ELFN1: variants seen among roughly 807,000 people sequenced by gnomAD.
ELFN1 encodes protein ELFN1.
A neutral mutation model predicts 7.6 loss-of-function variants in ELFN1; 6 were observed. The ratio of observed to expected loss-of-function variants is 0.79; its 90% CI spans 0.43 to 1.56. ELFN1 has a LOEUF of 1.56. Ranked by LOEUF, ELFN1 falls within the 40% of genes most tolerant of loss-of-function variation. ELFN1 has a pLI of 0.01. For missense variants in ELFN1, 1,169 were observed against 1,232.2 expected, an observed-to-expected ratio of 0.95 and a Z score of 0.77; for synonymous variants, 657 against 588.1, an observed-to-expected ratio of 1.12 and a Z score of -1.70.
rs947926820 is a variant in ELFN1, at chr7:1,670,309, G to A, written c.-594G>A. Among the ~76,000 whole-genome samples, 1 of 151,862 alleles carries A rather than the reference G, an allele frequency of 6.6e-6. No homozygotes were observed. Among genetic ancestry groups the A allele is most frequent in the Non-Finnish European group, 1.5e-5 (1 of 67,888 alleles). On this transcript the variant is annotated 5_prime_UTR_variant, in exon 1 of 4. Transcript: ENST00000424383. This position sits in a 1 kb window ranked among gnomAD's most constrained non-coding sequence, Gnocchi z 6.4. Reference sequence around the variant, plus strand: ...GGAGCGAAGTTAGAGCTTGAAGGACGGCGGCGGCTGCGGGCGCAGCCCCGG... The same window carrying A: ...GGAGCGAAGTTAGAGCTTGAAGGACAGCGGCGGCTGCGGGCGCAGCCCCGG...
chr7:1,667,929 T>A (rs937128164), upstream of ELFN1, among the ~76,000 whole-genome samples: 6 of 123,250 alleles, frequency 4.9e-5, no homozygotes, highest in East Asian at 5.1e-4. The surrounding 1 kb of genome is among the most constrained non-coding windows in gnomAD (Gnocchi z 8.2). Flanking sequence ...CTCCGGGGAC[T>A]CGGTCGCAGC....
chr7:1,733,444 T>TA (rs759776099), intron 3 of ELFN1, among the ~76,000 whole-genome samples: 27 of 152,038 alleles, frequency 1.8e-4, no homozygotes, highest in Non-Finnish European at 2.8e-4. Flanking sequence ...CCCTGGGCGG[T>TA]AGGACAGTAA....
chr7:1,677,960 G>C (rs1778903958), intron 1 of ELFN1, among the ~76,000 whole-genome samples: 1 of 151,986 alleles, frequency 6.6e-6, no homozygotes. Flanking sequence ...CAGACATCCG[G>C]GCTTATTTTT....
rs1012805674 is a variant in ELFN1 at position 1,692,914 on chromosome 7, A to G, written c.-456+4764A>G. On this transcript the variant is annotated intron_variant, in intron 2 of 3. Transcript: ENST00000424383. ...GGGGGCCACATCAGCTTCCGCCTCTATGTACCCTGCAGGGAACGGCAGGGA... is the reference window on the plus strand; with the variant it reads ...GGGGGCCACATCAGCTTCCGCCTCTGTGTACCCTGCAGGGAACGGCAGGGA... The G allele has an allele frequency of 3.6e-5, 7 of 197,156 alleles. No individual in the cohort carries two copies. In the East Asian group the frequency reaches 6.4e-4, roughly 18 times the overall value. 12.2% of individuals were successfully genotyped at this position (197,156 alleles called of 1,614,324 possible). A position where few individuals can be genotyped will look rare whatever the true frequency, so the allele number is the denominator to read the frequency against.
At chr7:1,719,374 A>C (rs1429000485) in intron 3 of ELFN1, among the ~76,000 whole-genome samples, 4 of 123,986 alleles carry the variant, frequency 3.2e-5, no homozygotes, top group African/African-American at 6.6e-5. Flanking sequence ...AACAGGACCC[A>C]AGCCACCAAC....
chr7:1,734,943 C>T (rs1780404972), intron 3 of ELFN1, among the ~76,000 whole-genome samples: 1 of 152,160 alleles, frequency 6.6e-6, no homozygotes, highest in Non-Finnish European at 1.5e-5. Flanking sequence ...CGTCCTCCTG[C>T]CTCCGCCTCC....
intron 2 of ELFN1, chr7:1,693,576 G>A (rs941057213): frequency 2.1e-6 from 1 of 471,236 alleles, no homozygotes; most frequent in Non-Finnish European, 4.4e-6. Flanking sequence ...CTGGGTGTGT[G>A]CACATCTGCA....
rs143837634 is a variant in ELFN1, at chr7:1,741,805, C to G, written c.-293-2499C>G. Among the ~76,000 whole-genome samples, 1,217 of 152,292 alleles carry G rather than the reference C, an allele frequency of 8.0e-3. 24 individuals carry two copies. Among genetic ancestry groups the G allele is most frequent in the African/African-American group, 0.028 (1,153 of 41,550 alleles). ...CTGCACTACCGAGGTGCCACCCACA[C>G]CTGCCTCCACCCAGCCCCAGACGCA... On this transcript the variant is annotated intron_variant, in intron 3 of 3. Transcript: ENST00000424383.
At position 1,695,763 on chromosome 7, in the gene ELFN1, A is replaced by AC. The variant is rs1393617469; in HGVS notation, c.-456+7613_-456+7614insC. On this transcript the variant is annotated intron_variant, in intron 2 of 3. Transcript: ENST00000424383. This position sits in a 1 kb window ranked among gnomAD's most constrained non-coding sequence, Gnocchi z 5.1. ...ACTCCGTGTCAAAAAAAAAAAAAAA[A>AC]AAAAAAAAACCGTGCTGGTTTGGTT... is the stretch of plus-strand genomic sequence containing the variant. Among the ~76,000 whole-genome samples, 8 of 151,112 alleles carry AC rather than the reference A, an allele frequency of 5.3e-5. No homozygotes were observed. The East Asian group carries it at 9.7e-4, about 18-fold the overall frequency.
intron 3 of ELFN1, among the ~76,000 whole-genome samples, chr7:1,715,418 A>G (rs532829175): frequency 2.6e-5 from 4 of 151,936 alleles, no homozygotes; most frequent in Admixed American, 6.5e-5. Context: ...CCCTGCCTCC[A>G]TCCTGTCTCC....
intron 3 of ELFN1, among the ~76,000 whole-genome samples, chr7:1,715,375 C>T (rs192614002): frequency 6.6e-6 from 1 of 152,300 alleles, no homozygotes; most frequent in East Asian, 1.9e-4. Flanking sequence ...CACCTGGCTG[C>T]TTCTCCTCAT....
rs144874121 is a variant in ELFN1, at chr7:1,700,449, C to A, written c.-455-8642C>A. ...TTTCTGAACTTCCCATAAATGAAAT[C>A]TTTGCATACTTCTTCCCTTCTGACC... is the stretch of plus-strand genomic sequence containing the variant. On this transcript the variant is annotated intron_variant, in intron 2 of 3. Coordinates refer to ENST00000424383, the MANE Select transcript of ELFN1 (RefSeq NM_001128636.4). 9.3e-4 allele frequency among the ~76,000 whole-genome samples: 142 copies of A among 152,356 alleles called. No homozygotes were observed. In the Middle Eastern group the frequency reaches 0.017, roughly 18 times the overall value.
chr7:1,725,790 C>T (rs1022824314), intron 3 of ELFN1, among the ~76,000 whole-genome samples: 8 of 152,156 alleles, frequency 5.3e-5, no homozygotes, highest in Non-Finnish European at 8.8e-5. Context: ...CCCACACATG[C>T]GCACACACAC....
rs1780834369 is a variant in ELFN1, at chr7:1,747,319, C to T, written c.*236C>T. On this transcript the variant is annotated 3_prime_UTR_variant, in exon 4 of 4. Transcript: ENST00000424383. ...GCACGTGTCCACACACACACACACA[C>T]ACACACACACACACACGAGGGACTT... 6.9e-6 allele frequency: 2 copies of T among 291,108 alleles called. No individual in the cohort carries two copies. Among genetic ancestry groups the T allele is most frequent in the East Asian group, 1.2e-4 (2 of 17,360 alleles). 18.0% of individuals were successfully genotyped at this position (291,108 alleles called of 1,614,324 possible).
At chr7:1,727,162 A>G (rs1019169351) in intron 3 of ELFN1, among the ~76,000 whole-genome samples, 1 of 152,140 alleles carries the variant, frequency 6.6e-6, no homozygotes. Flanking sequence ...AATAAATACC[A>G]AGTGAATGAA....
At chr7:1,698,750 G>A (rs990307093) in intron 2 of ELFN1, among the ~76,000 whole-genome samples, 3 of 152,034 alleles carry the variant, frequency 2.0e-5, no homozygotes, top group Admixed American at 6.6e-5. Flanking sequence ...TTTGAGGATC[G>A]GCATTTGTTT....
chr7:1,702,438 A>G lies in ELFN1; in HGVS notation c.-455-6653A>G, dbSNP rs554487077. Among the ~76,000 whole-genome samples the G allele has an allele frequency of 2.7e-5, 4 of 150,028 alleles. No individual in the cohort carries two copies. The South Asian group carries it at 8.3e-4, about 31-fold the overall frequency. On this transcript the variant is annotated intron_variant, in intron 2 of 3. Transcript: ENST00000424383. ...ACTCCGTCGGGGGGGAAAAAAAAAA[A>G]GAAGAAGACCCTCCCTCACTCCACC...
chr7:1,667,971 G>GT (rs1221293045), upstream of ELFN1, among the ~76,000 whole-genome samples: 2 of 141,388 alleles, frequency 1.4e-5, no homozygotes, highest in African/African-American at 5.0e-5. This position sits in a 1 kb window ranked among gnomAD's most constrained non-coding sequence, Gnocchi z 8.2. Flanking sequence ...GGGGTGGGGG[G>GT]GGGGGGCGGC....
chr7:1,729,996 C>G lies in ELFN1; in HGVS notation c.-293-14308C>G, dbSNP rs138754839. On this transcript the variant is annotated intron_variant, in intron 3 of 3. Transcript: ENST00000424383. ...CCTCAAGGGCAGGGAGCTGGGGTCA[C>G]CCTCCAAGGCCCTCGGCAGCCCCAC... Among the ~76,000 whole-genome samples, 759 of 152,338 alleles carry G rather than the reference C, an allele frequency of 5.0e-3. 5 individuals carry two copies. Among genetic ancestry groups the G allele is most frequent in the Middle Eastern group, 0.017 (5 of 294 alleles).
Sources: gnomAD v4.1 joint callset for allele counts (sites outside exome capture counted in the v4.1 genomes callset) on GRCh38, gnomAD v4.1.1 for gene constraint, Gnocchi (gnomAD v3.1) non-coding constraint, MANE v1.5 for transcripts, NCBI Gene and HGNC (gene_info 2026-07-23, HGNC 2026-07-21) for gene names.